Variants in POLA1 observed in about 807,000 individuals in gnomAD.
The protein encoded by POLA1 is DNA polymerase alpha 1, catalytic subunit.
A neutral mutation model predicts 124.0 loss-of-function variants in POLA1; 15 were observed. The ratio of observed to expected loss-of-function variants is 0.12; its 90% confidence interval spans 0.08 to 0.19. The LOEUF (loss-of-function observed/expected upper bound fraction) is 0.19. Ranked by LOEUF, POLA1 falls within the 10% of genes least tolerant of loss-of-function variation. The pLI, the probability that POLA1 is intolerant of heterozygous loss-of-function variation, is 1.00. For missense variants in POLA1, 886 were observed against 1,103.4 expected, an observed-to-expected ratio of 0.80 and a Z score of 2.79; for synonymous variants, 408 against 389.4, an observed-to-expected ratio of 1.05 and a Z score of -0.56.
chrX:24,752,389 G>A (rs1451931664), intron 26 of POLA1, among the ~76,000 whole-genome samples: 1 of 112,066 alleles, frequency 8.9e-6, no homozygotes, highest in Non-Finnish European at 1.9e-5. Context: ...CAGTGTGTAC[G>A]TTATTTAAAA....
intron 35 of POLA1, among the ~76,000 whole-genome samples, chrX:24,890,824 C>T (rs2047134818): frequency 8.9e-6 from 1 of 112,368 alleles, no homozygotes; most frequent in South Asian, 3.7e-4. Flanking sequence ...TTACGTCATT[C>T]TTGTCTCAAG....
chrX:24,729,261 T>C (rs965612476), intron 15 of POLA1, among the ~76,000 whole-genome samples: 7 of 111,758 alleles, frequency 6.3e-5, no homozygotes, highest in African/African-American at 2.0e-4. Flanking sequence ...ACAGCATCCC[T>C]GGTCTTTACT....
chrX:24,738,453 A>G (rs1315907521), intron 19 of POLA1, among the ~76,000 whole-genome samples: 1 of 111,162 alleles, frequency 9.0e-6, no homozygotes, highest in Non-Finnish European at 1.9e-5. Context: ...TAAGAACGCA[A>G]TATTGCTTGC....
intron 36 of POLA1, among the ~76,000 whole-genome samples, chrX:24,993,435 A>T (rs2048558425): frequency 8.9e-6 from 1 of 112,472 alleles, no homozygotes. Flanking sequence ...ACCTGAGGTG[A>T]TGGCGTCGTT....
At chrX:24,886,995 A>G (rs976760178) in intron 34 of POLA1, among the ~76,000 whole-genome samples, 2 of 111,753 alleles carry the variant, frequency 1.8e-5, no homozygotes, top group African/African-American at 3.3e-5. Flanking sequence ...TGAGAACACC[A>G]TAAGACAAGG....
Position 24,748,455 on chromosome X carries a change from C to A in POLA1, c.2836C>A (p.Leu946Ile). The change falls in exon 25 of 37, where the codon CTT becomes ATT. Residue 946 changes from leucine (L) to isoleucine (I), a missense_variant. Leu to Ile is a conservative substitution (Grantham distance 5). Coordinates refer to ENST00000379068, the MANE Select transcript of POLA1 (RefSeq NM_001330360.2). ...GCAAGACTTAAATCCAGACCTTATT[C>A]TTCAGGTATATCTTTTCACTAAGAA... ...KQQDLNPDLI[L>I]QYDIRQKALK... 8.4e-7 allele frequency: 1 copy of A among 1,185,335 alleles called. No individual in the cohort carries two copies. The highest frequency in any genetic ancestry group is 3.0e-5 in the East Asian group (1 of 33,602).
intron 26 of POLA1, among the ~76,000 whole-genome samples, chrX:24,755,201 C>T: frequency 8.9e-6 from 1 of 112,251 alleles, no homozygotes; most frequent in Non-Finnish European, 1.9e-5. Flanking sequence ...ACGTAACTCC[C>T]TCAGTCACAG....
At chrX:24,865,045 A>G (rs894609474) in intron 34 of POLA1, among the ~76,000 whole-genome samples, 9 of 111,725 alleles carry the variant, frequency 8.1e-5, no homozygotes, top group Non-Finnish European at 1.3e-4. Context: ...AACACAACCA[A>G]TGTTAGAATG....
rs923316203 is a variant in POLA1, at chrX:24,931,395, C to G, written c.4261+846C>G. On this transcript the variant is annotated intron_variant, in intron 36 of 36. Transcript: ENST00000379068. ...ACCTACAACTATTGCTAGATTTCCC[C>G]GCATAAGAATCCCCATGCTGCCCTT... Among the ~76,000 whole-genome samples the G allele has an allele frequency of 5.4e-5, 6 of 111,785 alleles. 1 individual carries two copies. Among genetic ancestry groups the G allele is most frequent in the African/African-American group, 1.3e-4 (4 of 30,748 alleles).
chrX:24,877,932 T>C (rs1041150180), intron 34 of POLA1, among the ~76,000 whole-genome samples: 1 of 108,216 alleles, frequency 9.2e-6, no homozygotes, highest in Non-Finnish European at 1.9e-5. Context: ...TTTTTGTTTT[T>C]TTTTTAGTGA....
intron 35 of POLA1, among the ~76,000 whole-genome samples, chrX:24,899,373 A>T (rs2047245117): frequency 8.9e-6 from 1 of 111,813 alleles, no homozygotes; most frequent in Non-Finnish European, 1.9e-5. Context: ...ACCCCAAAAA[A>T]ATTGCATTAC....
intron 36 of POLA1, among the ~76,000 whole-genome samples, chrX:24,936,820 C>T (rs1486561832): frequency 2.7e-5 from 3 of 111,978 alleles, no homozygotes; most frequent in East Asian, 5.6e-4. Flanking sequence ...CGTGAGCCAC[C>T]GTGCCCGGCC....
intron 32 of POLA1, among the ~76,000 whole-genome samples, chrX:24,837,438 C>A (rs1298480780): frequency 2.7e-5 from 3 of 112,062 alleles, no homozygotes; most frequent in Non-Finnish European, 5.6e-5. Context: ...TTCACTCTTT[C>A]ATTGCTGAGT....
chrX:24,911,463 G>A (rs1481351015), intron 35 of POLA1, among the ~76,000 whole-genome samples: 9 of 110,819 alleles, frequency 8.1e-5, no homozygotes, highest in Non-Finnish European at 1.7e-4. Flanking sequence ...GTAAAGCAAT[G>A]CTTAGAGGAA....
At chrX:24,747,130 A>G (rs746864869) in intron 24 of POLA1, among the ~76,000 whole-genome samples, 4 of 108,452 alleles carry the variant, frequency 3.7e-5, no homozygotes, top group Non-Finnish European at 5.7e-5. Flanking sequence ...TAGAAATGTC[A>G]TGGCCTATTT....
chrX:24,835,800 A>T (rs1181928863), intron 32 of POLA1, among the ~76,000 whole-genome samples: 2 of 111,466 alleles, frequency 1.8e-5, no homozygotes, highest in Non-Finnish European at 3.8e-5. Flanking sequence ...TTCCTAGGCA[A>T]TGGGGTTTAT....
rs1569279339 is a variant in POLA1 at position 24,717,658 on chromosome X, A to G, written c.987A>G (p.Gln329=). 8.3e-7 allele frequency: 1 copy of G among 1,202,724 alleles called. No homozygotes were observed. Among genetic ancestry groups the G allele is most frequent in the East Asian group, 3.0e-5 (1 of 33,810 alleles). The change falls in exon 10 of 37, where the codon CAA becomes CAG. Residue 329 remains glutamine (Q), a synonymous_variant. Transcript: ENST00000379068. ...GDSSFSVQEV[Q]VDSSHLPLVK... ...GCAGTTTCTCAGTGCAAGAAGTTCA[A>G]GTGGATTCCAGTCACCTCCCATTGG...
At chrX:24,739,671 C>G in intron 20 of POLA1, 121 bp downstream of exon 20, 1 of 423,086 alleles carries the variant, frequency 2.4e-6, no homozygotes, top group East Asian at 4.4e-5. Flanking sequence ...GAAATTGTCT[C>G]TACTACTTTC....
At chrX:24,741,303 T>C in intron 20 of POLA1, 72 bp from the exon 21 acceptor site, 8 of 808,636 alleles carry the variant, frequency 9.9e-6, no homozygotes, top group South Asian at 8.7e-5. Context: ...TATAATATTT[T>C]GTGAAGTTCT....
Sources: gnomAD v4.1 joint callset for allele counts (sites outside exome capture counted in the v4.1 genomes callset) on GRCh38, gnomAD v4.1.1 for gene constraint, MANE v1.5 for transcripts, NCBI Gene and HGNC (gene_info 2026-07-23, HGNC 2026-07-21) for gene names.